The following SOX6 variants were observed in gnomAD, a reference collection of about 807,000 sequenced individuals.
The protein encoded by SOX6 is transcription factor SOX-6.
A neutral mutation model predicts 97.8 loss-of-function variants in SOX6; 11 were observed. The ratio of observed to expected loss-of-function variants is 0.11; its 90% CI spans 0.07 to 0.19. The LOEUF (loss-of-function observed/expected upper bound fraction) is 0.19, where lower values mean the gene tolerates loss of function less well. SOX6 is among the 10% of genes least tolerant of loss of function. The probability of loss-of-function intolerance (pLI) is 1.00; values close to 1 mark genes in which losing one functional copy is unlikely to be tolerated. For missense variants in SOX6, 810 were observed against 1,039.5 expected (o/e 0.78, Z 3.04); for synonymous variants, 360 against 371.4 (o/e 0.97, Z 0.35).
intron 4 of SOX6, among the ~76,000 whole-genome samples, chr11:16,221,520 T>TA (rs1298071194): frequency 6.6e-6 from 1 of 152,132 alleles, no homozygotes; most frequent in Non-Finnish European, 1.5e-5. Context: ...AGCTGAACTT[T>TA]ATCAAAGCTA....
At chr11:16,727,150 C>T (rs1167220268) in intron 2 of SOX6, among the ~76,000 whole-genome samples, 1 of 148,260 alleles carries the variant, frequency 6.7e-6, no homozygotes, top group Non-Finnish European at 1.5e-5. Context: ...ACTACTCCAA[C>T]CATGGAGTCT....
chr11:16,354,598 T>C (rs111279968), intron 1 of SOX6, among the ~76,000 whole-genome samples: 1,722 of 152,062 alleles, frequency 0.011, 20 homozygotes, highest in Non-Finnish European at 0.016. Context: ...CTAAGGACAA[T>C]AGAGTCCTGA....
At chr11:16,047,701 C>CGTGTGT (rs68008241) in intron 11 of SOX6, among the ~76,000 whole-genome samples, 3,010 of 145,988 alleles carry the variant, frequency 0.021, 56 homozygotes, top group African/African-American at 0.057. Context: ...CATTTCATAG[C>CGTGTGT]GTGTGTGTGT....
chr11:15,991,401 C>G (rs1210886728), intron 13 of SOX6, among the ~76,000 whole-genome samples: 2 of 152,212 alleles, frequency 1.3e-5, no homozygotes, highest in Non-Finnish European at 2.9e-5. Flanking sequence ...ATACATTACT[C>G]TGGAAGTGAA....
At chr11:16,257,349 T>TAAAAGA (rs1242239674) in intron 3 of SOX6, among the ~76,000 whole-genome samples, 1 of 151,582 alleles carries the variant, frequency 6.6e-6, no homozygotes, top group Admixed American at 6.6e-5. Context: ...GTGGTACTGG[T>TAAAAGA]AAAAGAAAAA....
chr11:15,993,544 A>G lies in SOX6; in HGVS notation c.1733-4314T>C, dbSNP rs1854122351. ...TTTAATTACCAGCAACAGCAGTCCCAAATGACAGTTGCTGAAAGGCCAAGA... is the reference window on the plus strand; with the variant it reads ...TTTAATTACCAGCAACAGCAGTCCCGAATGACAGTTGCTGAAAGGCCAAGA... On this transcript the variant is annotated intron_variant, in intron 13 of 15. Transcript: ENST00000683767. Among the ~76,000 whole-genome samples the G allele has an allele frequency of 2.6e-5, 4 of 152,192 alleles. No homozygotes were observed. In the South Asian group the frequency reaches 8.3e-4, roughly 32 times the overall value.
At chr11:16,625,800 T>C (rs568719747) in intron 3 of SOX6, among the ~76,000 whole-genome samples, 1 of 152,206 alleles carries the variant, frequency 6.6e-6, no homozygotes, top group Admixed American at 6.5e-5. Context: ...TAAGAGGGCG[T>C]AAGAGCTCCA....
chr11:15,986,109 T>C, intron 15 of SOX6, 95 bp downstream of exon 15: 1 of 1,161,944 alleles, frequency 8.6e-7, no homozygotes, highest in Non-Finnish European at 1.3e-6. Context: ...ACCTCCTCTT[T>C]CCCTAATCTC....
At chr11:15,992,104 A>T (rs1266557565) in intron 13 of SOX6, among the ~76,000 whole-genome samples, 1 of 152,242 alleles carries the variant, frequency 6.6e-6, no homozygotes, top group East Asian at 1.9e-4. Flanking sequence ...CACAGTGCAC[A>T]GAACAAAAAC....
chr11:16,437,469 T>G (rs1249110214), intron 1 of SOX6, among the ~76,000 whole-genome samples: 3 of 152,184 alleles, frequency 2.0e-5, no homozygotes, highest in African/African-American at 7.2e-5. Context: ...ACCTTATATA[T>G]TGCAAGTTCT....
At chr11:16,405,201 C>T (rs567452500) in intron 1 of SOX6, among the ~76,000 whole-genome samples, 10 of 152,042 alleles carry the variant, frequency 6.6e-5, no homozygotes, top group African/African-American at 2.2e-4. Context: ...AGTGCTTTTA[C>T]CCCCAATAAA....
intron 3 of SOX6, among the ~76,000 whole-genome samples, chr11:16,709,534 T>C (rs1471743817): frequency 6.6e-6 from 1 of 150,888 alleles, no homozygotes; most frequent in African/African-American, 2.4e-5. Flanking sequence ...AAAAGAAGTG[T>C]GTGGCACCTG....
At chr11:16,207,202 T>C (rs1174579854) in intron 4 of SOX6, among the ~76,000 whole-genome samples, 1 of 151,988 alleles carries the variant, frequency 6.6e-6, no homozygotes, top group Non-Finnish European at 1.5e-5. Flanking sequence ...ATTTTAAAAG[T>C]GAGAAATTAA....
rs76405684 is a variant in SOX6 at position 16,566,409 on chromosome 11, C to G, written n.609+45672G>C. On this transcript the variant is annotated intron_variant and non_coding_transcript_variant, in intron 4 of 5. Transcript: ENST00000524520. The stretch of plus-strand genomic sequence containing the variant: ...GGGAGTTAGAATCCTGCCCTTGTGA[C>G]AGGAGATTCTGGGCAATAAACAATA... 3.0e-4 allele frequency among the ~76,000 whole-genome samples: 45 copies of G among 152,310 alleles called. 1 individual carries two copies. The East Asian group carries it at 8.1e-3, about 27-fold the overall frequency.
At chr11:16,212,446 T>C (rs1351211590) in intron 4 of SOX6, among the ~76,000 whole-genome samples, 1 of 152,180 alleles carries the variant, frequency 6.6e-6, no homozygotes, top group Non-Finnish European at 1.5e-5. Context: ...TATAATTTTA[T>C]GTCTTTCATT....
At chr11:16,239,551 TC>T (rs1168312139) in intron 3 of SOX6, among the ~76,000 whole-genome samples, 2 of 152,124 alleles carry the variant, frequency 1.3e-5, no homozygotes, top group Non-Finnish European at 2.9e-5. Context: ...ATATTACTGA[TC>T]TTTTTTGATC....
chr11:16,333,140 A>C (rs1401178124), intron 2 of SOX6, among the ~76,000 whole-genome samples: 3 of 152,136 alleles, frequency 2.0e-5, no homozygotes, highest in Non-Finnish European at 2.9e-5. Context: ...AACCCTTTCC[A>C]AATTAAAGAA....
intron 6 of SOX6, among the ~76,000 whole-genome samples, chr11:16,117,890 G>T (rs1048086838): frequency 6.6e-6 from 1 of 152,208 alleles, no homozygotes; most frequent in African/African-American, 2.4e-5. Flanking sequence ...AAAAATAATA[G>T]AACTCCCCTC....
At chr11:16,483,479 T>C (rs114722057) in intron 4 of SOX6, among the ~76,000 whole-genome samples, 3,644 of 152,172 alleles carry the variant, frequency 0.024, 137 homozygotes, top group African/African-American at 0.083. Context: ...TTTGCTTCCC[T>C]TTGGTCAGAA....
Sources: allele counts gnomAD v4.1 joint callset (sites outside exome capture counted in the v4.1 genomes callset), GRCh38; gene constraint gnomAD v4.1.1; transcripts MANE v1.5; gene names NCBI Gene and HGNC (gene_info 2026-07-23, HGNC 2026-07-21).